RAB12: variants seen among roughly 807,000 people sequenced by gnomAD.
RAB12 encodes the protein ras-related protein Rab-12.
RAB12 carries 11 observed loss-of-function variants against 28.4 expected under a neutral mutation model. The ratio of observed to expected loss-of-function variants is 0.39; its 90% CI spans 0.24 to 0.64. The LOEUF is 0.64. Ranked by LOEUF, RAB12 falls within the 30% of genes least tolerant of loss-of-function variation. The pLI, the probability that RAB12 is intolerant of heterozygous loss-of-function variation, is 0.50. For synonymous variants in RAB12, 138 were observed against 145.3 expected (o/e 0.95, Z 0.36); for missense variants, 276 against 351.1 (o/e 0.79, Z 1.71).
In RAB12 at chr18:8,638,220, G is replaced by A. The variant is rs377561775; in HGVS notation, c.981G>A (p.Pro327=). Residue 327 remains proline, a synonymous_variant, in exon 6 of 6, where the codon CCG becomes CCA. Coordinates refer to ENST00000649141, the MANE Select transcript of RAB12 (RefSeq NM_001025300.3). ...ILSLQPEPEI[P]PELPPPRPHV... ...CGTTACAACCAGAGCCTGAGATACC[G>A]CCAGAACTGCCTCCACCAAGACCAC... The A allele has an allele frequency of 3.7e-6, 6 of 1,613,672 alleles. No individual in the cohort carries two copies. Among genetic ancestry groups the A allele is most frequent in the South Asian group, 1.1e-5 (1 of 91,044 alleles).
chr18:8,624,968 T>C lies in RAB12; in HGVS notation c.545T>C (p.Leu182Pro). ...GVDFKIKTVE[L>P]RGKKIRLQIW... ...GACTTCAAAATCAAAACTGTAGAGC[T>C]AAGAGGAAAGAAAATTAGATTACAG... Residue 182 changes from leucine to proline, a missense_variant, in exon 2 of 6, where the codon CTA (leucine) becomes CCA (proline). This residue lies in a region of RAB12 where 76 missense variants were observed against 117.9 expected (regional missense o/e 0.64). Transcript: ENST00000649141. 1 of 1,605,488 alleles carries C rather than the reference T, an allele frequency of 6.2e-7. No individual in the cohort carries two copies. The highest frequency in any genetic ancestry group is 2.2e-5 in the East Asian group (1 of 44,822).
intron 5 of RAB12, among the ~76,000 whole-genome samples, chr18:8,636,710 C>T (rs1325491069): frequency 6.6e-6 from 1 of 152,212 alleles, no homozygotes; most frequent in East Asian, 1.9e-4. Context: ...GCCAAGTCTG[C>T]AGGTGTCTTA....
At chr18:8,616,379 TAAAAAA>T (rs373829340) in intron 1 of RAB12, among the ~76,000 whole-genome samples, 1 of 121,466 alleles carries the variant, frequency 8.2e-6, no homozygotes, top group Non-Finnish European at 1.8e-5. Flanking sequence ...GTGTGATTGT[TAAAAAA>T]AAAAAAAAAA....
Position 8,638,195 on chromosome 18 carries a change from C to T in RAB12, c.956C>T (p.Ser319Leu), listed in dbSNP as rs1163170823. 7.4e-6 allele frequency: 12 copies of T among 1,613,734 alleles called. No individual in the cohort carries two copies. The highest frequency in any genetic ancestry group is 9.3e-6 in the Non-Finnish European group (11 of 1,179,780). ...LRNELSNSILSLQPEPEIPPE... is the reference protein window; with the variant it reads ...LRNELSNSILLLQPEPEIPPE... ...AATGAGTTGTCCAATAGTATCCTGTCGTTACAACCAGAGCCTGAGATACCG... is the reference window on the plus strand; with the variant it reads ...AATGAGTTGTCCAATAGTATCCTGTTGTTACAACCAGAGCCTGAGATACCG... Residue 319 changes from serine (S) to leucine (L), a missense_variant, in exon 6 of 6, where the codon TCG becomes TTG. Physicochemically the swap from Ser to Leu is moderately radical, Grantham distance 145. Transcript: ENST00000649141.
intron 1 of RAB12, among the ~76,000 whole-genome samples, chr18:8,612,331 A>C (rs1383598997): frequency 6.6e-6 from 1 of 152,238 alleles, no homozygotes; most frequent in Non-Finnish European, 1.5e-5. Flanking sequence ...ATGCAAATTA[A>C]ATATGGTACT....
chr18:8,609,949 C>T lies in RAB12; in HGVS notation c.510C>T (p.Thr170=). The T allele has an allele frequency of 6.2e-7, 1 of 1,607,344 alleles. No homozygotes were observed. The highest frequency in any genetic ancestry group is 1.3e-5 in the African/African-American group (1 of 74,570). Residue 170 remains threonine (T), a synonymous_variant, in exon 1 of 6, where the codon ACC becomes ACT. Coordinates refer to ENST00000649141, the MANE Select transcript of RAB12 (RefSeq NM_001025300.3). ...CCTTCTGCGAGGCCTGCAAGTCCAC[C>T]GTGGGTAAGGGCGCCACGGCGACCC... ...DDTFCEACKS[T]VGVDFKIKTV...
At chr18:8,620,555 A>G (rs2096009333) in intron 1 of RAB12, among the ~76,000 whole-genome samples, 1 of 148,028 alleles carries the variant, frequency 6.8e-6, no homozygotes, top group South Asian at 2.2e-4. Context: ...TGCTACTCAG[A>G]TGCCTTTTTT....
chr18:8,629,227 A>G (rs1050851927), intron 2 of RAB12, among the ~76,000 whole-genome samples: 1 of 152,196 alleles, frequency 6.6e-6, no homozygotes, highest in African/African-American at 2.4e-5. Context: ...GGAAGTAGTA[A>G]AGTATACCCC....
At position 8,636,315 on chromosome 18, in the gene RAB12, G is replaced by A. The variant is rs2096018887; in HGVS notation, c.867G>A (p.Val289=). The A allele has an allele frequency of 1.9e-6, 3 of 1,611,042 alleles. No homozygotes were observed. Among genetic ancestry groups the A allele is most frequent in the Non-Finnish European group, 2.5e-6 (3 of 1,178,888 alleles). Reference sequence around the variant, plus strand: ...CAAGTGCCAAGGATAACTTCAATGTGGACGAGATATTTTTGAAACTTGTCG... The same window carrying A: ...CAAGTGCCAAGGATAACTTCAATGTAGACGAGATATTTTTGAAACTTGTCG... ...CEASAKDNFN[V]DEIFLKLVDD... Residue 289 remains valine (V), a synonymous_variant, in exon 5 of 6, where the codon GTG becomes GTA. Transcript: ENST00000649141.
intron 1 of RAB12, among the ~76,000 whole-genome samples, chr18:8,615,248 G>A (rs2096006118): frequency 6.6e-6 from 1 of 152,104 alleles, no homozygotes. Flanking sequence ...AATGTTAGGC[G>A]GCATGACAAG....
chr18:8,631,750 C>T (rs1420195177), intron 2 of RAB12, among the ~76,000 whole-genome samples: 6 of 152,052 alleles, frequency 3.9e-5, no homozygotes, highest in African/African-American at 1.4e-4. Flanking sequence ...TCCTTGTACC[C>T]TTATGATTTA....
In RAB12 at chr18:8,633,277, A is replaced by C; in HGVS notation, c.664A>C (p.Lys222Gln). ...GATCATATTAGTATATGATATCACT[A>C]AGAAGGAGACATTTGATGATTTGCC... ...KGIILVYDIT[K>Q]KETFDDLPKW... The change falls in exon 3 of 6, where the codon AAG becomes CAG. Residue 222 changes from lysine to glutamine, a missense_variant. Around this residue, in one of 4 missense-constraint regions of RAB12, gnomAD observed 127 missense variants for 161.4 expected, o/e 0.79. Coordinates refer to ENST00000649141, the MANE Select transcript of RAB12 (RefSeq NM_001025300.3). 6.2e-7 allele frequency: 1 copy of C among 1,614,102 alleles called. No homozygotes were observed. Among genetic ancestry groups the C allele is most frequent in the Non-Finnish European group, 8.5e-7 (1 of 1,179,984 alleles).
chr18:8,620,139 C>CTTT (rs71165795), intron 1 of RAB12, among the ~76,000 whole-genome samples: 749 of 53,512 alleles, frequency 0.014, no homozygotes, highest in African/African-American at 0.018. Flanking sequence ...TTTTCTTCTT[C>CTTT]TTTTTTTTTT....
At chr18:8,627,646 G>T (rs1204654179) in intron 2 of RAB12, among the ~76,000 whole-genome samples, 1 of 152,212 alleles carries the variant, frequency 6.6e-6, no homozygotes, top group East Asian at 1.9e-4. Flanking sequence ...TGGTGTCCTA[G>T]AAATTATTTA....
At chr18:8,626,015 C>T (rs186986152) in intron 2 of RAB12, among the ~76,000 whole-genome samples, 2 of 152,320 alleles carry the variant, frequency 1.3e-5, no homozygotes, top group East Asian at 1.9e-4. Flanking sequence ...CATTTGGTCA[C>T]CCTTCACTGT....
chr18:8,620,750 G>A (rs2096009456), intron 1 of RAB12, among the ~76,000 whole-genome samples: 2 of 152,102 alleles, frequency 1.3e-5, no homozygotes, highest in South Asian at 4.2e-4. Context: ...ATCCTCGGAG[G>A]GCAGGCACGT....
In RAB12 at chr18:8,639,234, T is replaced by TTTA. The variant is rs1379305679; in HGVS notation, c.*976_*978dup. 1.4e-5 allele frequency: 2 copies of TTTA among 147,158 alleles called. No individual in the cohort carries two copies. The highest frequency in any genetic ancestry group is 3.0e-5 in the Non-Finnish European group (2 of 67,016). 9.1% of individuals were successfully genotyped at this position (147,158 alleles called of 1,614,324 possible). ...TGTGAACTCTATCTTTGGTATATCT[T>TTTA]TTATTAAACTGCACTGTTTTGTTTA... is the stretch of plus-strand genomic sequence containing the variant. On this transcript the variant is annotated 3_prime_UTR_variant, in exon 6 of 6. Coordinates refer to ENST00000649141, the MANE Select transcript of RAB12 (RefSeq NM_001025300.3).
rs139803935 is a variant in RAB12, at chr18:8,610,372, G to A, written c.514+419G>A. ...CGTCTGCTGCGGGTGTGATCCCTGC[G>A]CAACCAGGGCAGTTTTCTTATTTTG... On this transcript the variant is annotated intron_variant, in intron 1 of 5. Transcript: ENST00000649141. Among the ~76,000 whole-genome samples the A allele has an allele frequency of 4.5e-3, 691 of 152,376 alleles. 8 individuals are homozygous for A. Among genetic ancestry groups the A allele is most frequent in the African/African-American group, 0.016 (668 of 41,596 alleles).
intron 3 of RAB12, chr18:8,635,248 C>T: frequency 4.8e-6 from 1 of 206,788 alleles, no homozygotes; most frequent in South Asian, 1.3e-4. Context: ...TAGAGCTTTG[C>T]CTGTATGTTG....
Sources: gnomAD v4.1 joint callset for allele counts (sites outside exome capture counted in the v4.1 genomes callset) on GRCh38, gnomAD v4.1.1 for gene constraint, gnomAD v4.1.1 regional missense constraint, MANE v1.5 for transcripts, NCBI Gene and HGNC (gene_info 2026-07-23, HGNC 2026-07-21) for gene names.